Variants in DIP2C observed in about 807,000 individuals in gnomAD.
DIP2C encodes the protein disco-interacting protein 2 homolog C.
DIP2C carries 33 observed loss-of-function variants against 192.4 expected under a neutral mutation model. That is an observed-to-expected ratio of 0.17 (90% CI 0.13 to 0.23). The LOEUF (loss-of-function observed/expected upper bound fraction) is 0.23. DIP2C is among the 10% of genes least tolerant of loss of function. DIP2C has a pLI of 1.00. For synonymous variants in DIP2C, 979 were observed against 864.1 expected (o/e 1.13, Z -2.33); for missense variants, 1,537 against 2,110.1 (o/e 0.73, Z 5.32).
intron 29 of DIP2C, among the ~76,000 whole-genome samples, chr10:337,582 T>TGTGTGTGTGTGTTGTGGAGGACTAGGCTG (rs1957903350): frequency 9.1e-6 from 1 of 109,646 alleles, no homozygotes; most frequent in Non-Finnish European, 1.9e-5. Flanking sequence ...CCTAGGCTGA[T>TGTGTGTGTGTGTTGTGGAGGACTAGGCTG]GTGTGTGTGT....
chr10:312,256 C>T (rs1419969203), intron 31 of DIP2C, among the ~76,000 whole-genome samples: 2 of 152,182 alleles, frequency 1.3e-5, no homozygotes, highest in South Asian at 2.1e-4. Flanking sequence ...GCCTGCTACC[C>T]GCATTAAATA....
chr10:602,414 A>C (rs552560278), intron 1 of DIP2C, among the ~76,000 whole-genome samples: 1 of 152,336 alleles, frequency 6.6e-6, no homozygotes, highest in African/African-American at 2.4e-5. Context: ...TCTGTCCCCA[A>C]AACCTCACGC....
At position 472,140 on chromosome 10, in the gene DIP2C, G is replaced by A. The variant is rs550864548; in HGVS notation, c.268+299C>T. ...AAGAAAAAACTATACTAGCAACCAC[G>A]ATTAAAAAGTTATTTAACAGTGACA... On this transcript the variant is annotated intron_variant, in intron 3 of 36. Transcript: ENST00000280886. 1.2e-4 allele frequency among the ~76,000 whole-genome samples: 19 copies of A among 152,250 alleles called. No homozygotes were observed. The South Asian group carries it at 3.5e-3, about 28-fold the overall frequency.
At chr10:540,571 G>A (rs778117699) in intron 1 of DIP2C, among the ~76,000 whole-genome samples, 8 of 152,216 alleles carry the variant, frequency 5.3e-5, no homozygotes, top group Non-Finnish European at 8.8e-5. Flanking sequence ...TGGGGTAGGA[G>A]GAAAGCTAGT....
intron 6 of DIP2C, among the ~76,000 whole-genome samples, chr10:417,460 A>G (rs936162177): frequency 2.6e-5 from 4 of 152,226 alleles, no homozygotes; most frequent in African/African-American, 9.6e-5. Context: ...TAAAGCAAAT[A>G]ATGACACCAA....
At chr10:373,251 T>C (rs1302828146) in intron 17 of DIP2C, among the ~76,000 whole-genome samples, 2 of 152,174 alleles carry the variant, frequency 1.3e-5, no homozygotes, top group African/African-American at 4.8e-5. Flanking sequence ...ACAACCAACG[T>C]CAGCACATTC....
chr10:337,222 GGTGGAGGCCTAGGCCGGTGTGTGTGTGTT>G (rs2132521230), intron 29 of DIP2C, among the ~76,000 whole-genome samples: 2 of 25,106 alleles, frequency 8.0e-5, no homozygotes, highest in Non-Finnish European at 9.3e-5. Flanking sequence ...AAGTGTGTGT[GGTGGAGGCCTAGGCCGGTGTGTGTGTGTT>G]GTGGAGGCCT....
At chr10:603,400 A>C (rs905050212) in intron 1 of DIP2C, among the ~76,000 whole-genome samples, 1 of 150,618 alleles carries the variant, frequency 6.6e-6, no homozygotes, top group Admixed American at 6.6e-5. Context: ...ACCCTTATTC[A>C]AAGGTCGCCT....
chr10:380,313 C>T (rs1044875434), intron 17 of DIP2C, among the ~76,000 whole-genome samples: 2 of 151,762 alleles, frequency 1.3e-5, no homozygotes, highest in Non-Finnish European at 2.9e-5. Context: ...GAGGCTGTCC[C>T]TGGAAGATGG....
chr10:589,051 C>T (rs944403729), intron 1 of DIP2C, among the ~76,000 whole-genome samples: 6 of 152,136 alleles, frequency 3.9e-5, no homozygotes, highest in Admixed American at 1.3e-4. Flanking sequence ...AAAAATTCAC[C>T]GCAGCTGCAA....
intron 1 of DIP2C, among the ~76,000 whole-genome samples, chr10:580,218 TA>T (rs1224876060): frequency 7.2e-6 from 1 of 138,926 alleles, no homozygotes; most frequent in African/African-American, 2.6e-5. Flanking sequence ...ATATAATGTA[TA>T]TATGTCAGTA....
chr10:583,484 T>C (rs977790223), intron 1 of DIP2C, among the ~76,000 whole-genome samples: 1 of 152,236 alleles, frequency 6.6e-6, no homozygotes, highest in East Asian at 1.9e-4. Flanking sequence ...GAACTTTCAA[T>C]GTTCAGATTT....
chr10:319,324 T>C (rs939661321), intron 31 of DIP2C, among the ~76,000 whole-genome samples: 1 of 152,208 alleles, frequency 6.6e-6, no homozygotes, highest in Non-Finnish European at 1.5e-5. Context: ...GTTGATTTAA[T>C]CCCACACAAA....
chr10:423,661 G>A (rs900836660), intron 4 of DIP2C, among the ~76,000 whole-genome samples: 12 of 152,008 alleles, frequency 7.9e-5, no homozygotes, highest in African/African-American at 2.2e-4. Context: ...GTTAGATACC[G>A]ATGCACCTGA....
intron 1 of DIP2C, among the ~76,000 whole-genome samples, chr10:545,115 T>A (rs1848210275): frequency 6.7e-6 from 1 of 149,654 alleles, no homozygotes; most frequent in South Asian, 2.1e-4. Context: ...ACAATTTAGG[T>A]CCCATAAGAT....
intron 35 of DIP2C, 26 bp downstream of exon 35, chr10:283,246 G>A (rs757137220): frequency 6.9e-6 from 11 of 1,583,136 alleles, no homozygotes; most frequent in Non-Finnish European, 9.5e-6. Context: ...ATCTGTTGGG[G>A]GGGGGCCGCC....
chr10:409,644 TC>T (rs1234867074), intron 8 of DIP2C, among the ~76,000 whole-genome samples: 1 of 152,196 alleles, frequency 6.6e-6, no homozygotes, highest in Non-Finnish European at 1.5e-5. Context: ...ACAAAGTCAC[TC>T]CCGGTGACGT....
intron 1 of DIP2C, among the ~76,000 whole-genome samples, chr10:492,707 G>A (rs979812797): frequency 6.6e-6 from 1 of 152,144 alleles, no homozygotes; most frequent in African/African-American, 2.4e-5. Flanking sequence ...GGGCCAGGCA[G>A]GTGGACAAGG....
intron 10 of DIP2C, among the ~76,000 whole-genome samples, chr10:396,577 G>A (rs769494662): frequency 2.0e-5 from 3 of 152,172 alleles, no homozygotes; most frequent in Non-Finnish European, 4.4e-5. Flanking sequence ...AGACCTCAGA[G>A]CATGTCCAGA....
Sources: allele counts gnomAD v4.1 joint callset (sites outside exome capture counted in the v4.1 genomes callset), GRCh38; gene constraint gnomAD v4.1.1; transcripts MANE v1.5; gene names NCBI Gene and HGNC (gene_info 2026-07-23, HGNC 2026-07-21).